Variants in PCDH15 observed in about 807,000 individuals in gnomAD.
The protein encoded by PCDH15 is protocadherin related 15.
PCDH15 carries 129 observed loss-of-function variants against 178.5 expected under a neutral mutation model. That is an observed-to-expected ratio of 0.72 (90% CI 0.63 to 0.84). PCDH15 has a LOEUF of 0.84. Among genes scored for constraint, PCDH15 ranks in the 40% least tolerant of loss-of-function variants. The pLI is 0.00. For synonymous variants in PCDH15, 800 were observed against 732.0 expected, an observed-to-expected ratio of 1.09 and a Z score of -1.50; for missense variants, 2,230 against 2,099.9, an observed-to-expected ratio of 1.06 and a Z score of -1.21.
intron 23 of PCDH15, among the ~76,000 whole-genome samples, chr10:53,959,503 A>AT (rs1422842345): frequency 1.3e-5 from 2 of 152,064 alleles, no homozygotes; most frequent in Non-Finnish European, 1.5e-5. Context: ...GTTTGCACTA[A>AT]TTTTTTAAAA....
intron 1 of PCDH15, among the ~76,000 whole-genome samples, chr10:54,676,317 T>C (rs1455578437): frequency 2.0e-5 from 3 of 152,040 alleles, no homozygotes; most frequent in Non-Finnish European, 2.9e-5. Flanking sequence ...TGTGACCCAA[T>C]TAAACTAATC....
chr10:53,920,621 T>TAC (rs1589426087), intron 25 of PCDH15, among the ~76,000 whole-genome samples: 1 of 152,174 alleles, frequency 6.6e-6, no homozygotes, highest in East Asian at 1.9e-4. Context: ...TCATAAAGCA[T>TAC]ACGTACACGA....
intron 5 of PCDH15, among the ~76,000 whole-genome samples, chr10:54,357,861 A>C (rs1380338416): frequency 6.6e-6 from 1 of 152,086 alleles, no homozygotes; most frequent in Non-Finnish European, 1.5e-5. Flanking sequence ...ATAACACCAC[A>C]TATCTACAAC....
At chr10:55,477,353 AG>A (rs2132113709) in intron 2 of PCDH15, among the ~76,000 whole-genome samples, 1 of 152,054 alleles carries the variant, frequency 6.6e-6, no homozygotes, top group East Asian at 1.9e-4. Context: ...AATGAAGGAC[AG>A]AACTCAAGCA....
Position 54,902,848 on chromosome 10 carries a change from G to C in PCDH15, c.-79-5348C>G, listed in dbSNP as rs1313960750. 3.3e-5 allele frequency among the ~76,000 whole-genome samples: 5 copies of C among 151,910 alleles called. No individual in the cohort carries two copies. The South Asian group carries it at 1.0e-3, about 32-fold the overall frequency. Reference sequence around the variant, plus strand: ...ATTTGAGAGGGAGGGAAAGAGCATGGGCTTTAAAGACAGCCATAGATAGGC... The same window carrying C: ...ATTTGAGAGGGAGGGAAAGAGCATGCGCTTTAAAGACAGCCATAGATAGGC... On this transcript the variant is annotated intron_variant, in intron 2 of 5. Coordinates refer to the PCDH15 transcript ENST00000458638.
intron 15 of PCDH15, among the ~76,000 whole-genome samples, chr10:54,104,464 C>T (rs2094871293): frequency 6.6e-6 from 1 of 152,154 alleles, no homozygotes. Flanking sequence ...AGCTCTTTCT[C>T]TACAGGAGCT....
At chr10:55,134,137 T>G (rs1280048067) in intron 2 of PCDH15, among the ~76,000 whole-genome samples, 1 of 152,162 alleles carries the variant, frequency 6.6e-6, no homozygotes, top group African/African-American at 2.4e-5. Flanking sequence ...TCATTTCTTC[T>G]CATCTTTTCT....
rs538052310 is a variant in PCDH15, at chr10:54,487,685, G to A, written c.157+40127C>T. ...CAATATCTATCAATTACTTCTAAAG[G>A]TTATTAACTATACAGTTTTCTAAAA... On this transcript the variant is annotated intron_variant, in intron 3 of 37. Transcript: ENST00000644397. Among the ~76,000 whole-genome samples the A allele has an allele frequency of 2.0e-5, 3 of 151,862 alleles. No homozygotes were observed. In the South Asian group the frequency reaches 6.2e-4, roughly 32 times the overall value.
At chr10:55,214,182 T>C (rs1352082888) in intron 1 of PCDH15, among the ~76,000 whole-genome samples, 1 of 152,068 alleles carries the variant, frequency 6.6e-6, no homozygotes, top group Non-Finnish European at 1.5e-5. Context: ...TCATCAACTT[T>C]TATAAAACAG....
chr10:54,909,223 T>TTCAGCC (rs1410791264), intron 2 of PCDH15, among the ~76,000 whole-genome samples: 1 of 152,146 alleles, frequency 6.6e-6, no homozygotes, highest in African/African-American at 2.4e-5. Flanking sequence ...GTCCCCAGGC[T>TTCAGCC]TCAGGCCTTC....
At chr10:53,897,093 G>A (rs1480488545) in intron 26 of PCDH15, among the ~76,000 whole-genome samples, 2 of 152,112 alleles carry the variant, frequency 1.3e-5, no homozygotes, top group African/African-American at 2.4e-5. Flanking sequence ...GGGACCGCTG[G>A]TGTAGGACAT....
intron 21 of PCDH15, among the ~76,000 whole-genome samples, chr10:53,970,511 T>TTA (rs2089563477): frequency 6.6e-6 from 1 of 150,772 alleles, no homozygotes; most frequent in Non-Finnish European, 1.5e-5. Flanking sequence ...TGTTTTTTTT[T>TTA]AAAAAATCAA....
At chr10:55,200,243 G>A (rs941275654) in intron 1 of PCDH15, among the ~76,000 whole-genome samples, 15 of 152,142 alleles carry the variant, frequency 9.9e-5, no homozygotes, top group African/African-American at 3.1e-4. Flanking sequence ...TTGGGGGCCC[G>A]TCCTTTGCAT....
At chr10:55,268,010 C>T (rs971151894) in intron 1 of PCDH15, among the ~76,000 whole-genome samples, 1 of 152,144 alleles carries the variant, frequency 6.6e-6, no homozygotes, top group Non-Finnish European at 1.5e-5. Context: ...AACTGAATAA[C>T]TATGTGCTAG....
intron 8 of PCDH15, among the ~76,000 whole-genome samples, chr10:54,256,012 G>C (rs1178087723): frequency 6.6e-6 from 1 of 152,210 alleles, no homozygotes; most frequent in Non-Finnish European, 1.5e-5. Flanking sequence ...GAATACAGAT[G>C]TAAGAAAGGG....
At chr10:55,119,346 C>T (rs1837707647) in intron 2 of PCDH15, among the ~76,000 whole-genome samples, 1 of 152,094 alleles carries the variant, frequency 6.6e-6, no homozygotes, top group South Asian at 2.1e-4. Flanking sequence ...TATTTTAAAA[C>T]TAGCTTAAGA....
chr10:54,660,799 G>A (rs1057097590), intron 2 of PCDH15, among the ~76,000 whole-genome samples: 7 of 151,986 alleles, frequency 4.6e-5, no homozygotes, highest in South Asian at 2.1e-4. Flanking sequence ...TGCACAAATA[G>A]TTAAACATAT....
rs367819451 is a variant in PCDH15 at position 55,198,636 on chromosome 10, C to T, written c.-155-31985G>A. Among the ~76,000 whole-genome samples, 689 of 151,830 alleles carry T rather than the reference C, an allele frequency of 4.5e-3. 7 individuals carry two copies. The highest frequency in any genetic ancestry group is 0.016 in the African/African-American group (659 of 41,282). On this transcript the variant is annotated intron_variant, in intron 1 of 5. Coordinates refer to the PCDH15 transcript ENST00000458638. ...CGAATAGCTGGGACTACAAGGCACC[C>T]GCCACCACGCCCAGCTAATTTTTTT...
At chr10:54,012,906 C>T (rs2092633626) in intron 20 of PCDH15, among the ~76,000 whole-genome samples, 1 of 151,864 alleles carries the variant, frequency 6.6e-6, no homozygotes, top group Admixed American at 6.6e-5. Context: ...TGATGACAGG[C>T]TCAAATTCAC....
Sources: allele counts gnomAD v4.1 joint callset (sites outside exome capture counted in the v4.1 genomes callset), GRCh38; gene constraint gnomAD v4.1.1; transcripts MANE v1.5; gene names NCBI Gene and HGNC (gene_info 2026-07-23, HGNC 2026-07-21).